Variants in INSL6 observed in about 807,000 individuals in gnomAD.
The protein encoded by INSL6 is insulin-like peptide INSL6.
In INSL6, 16 loss-of-function variants were observed where a neutral mutation model predicts 9.4. The ratio of observed to expected loss-of-function variants is 1.70; its 90% CI spans 1.15 to 2.59. The LOEUF is 2.59. Among genes scored for constraint, INSL6 ranks in the 30% most tolerant of loss-of-function variants. The probability of loss-of-function intolerance (pLI) is 0.00; values close to 1 mark genes in which losing one functional copy is unlikely to be tolerated. For synonymous variants in INSL6, 154 were observed against 96.9 expected (o/e 1.59, Z -3.46); for missense variants, 391 against 257.3 (o/e 1.52, Z -3.56).
At chr9:5,051,578 T>C in the INSL6 span, among the ~76,000 whole-genome samples, 2 of 152,184 alleles carry the variant, frequency 1.3e-5, no homozygotes, top group Non-Finnish European at 2.9e-5. Context: ...ATTCTTCAAA[T>C]TATTCTTCTG....
chr9:5,170,921 G>C (rs1038480160), intron 1 of INSL6, among the ~76,000 whole-genome samples: 4 of 152,146 alleles, frequency 2.6e-5, no homozygotes, highest in African/African-American at 9.7e-5. Flanking sequence ...ACAAAGAGGA[G>C]CTGATATTCT....
At chr9:5,018,204 GGTTT>G in the INSL6 span, among the ~76,000 whole-genome samples, 2 of 152,044 alleles carry the variant, frequency 1.3e-5, no homozygotes, top group Non-Finnish European at 2.9e-5. Flanking sequence ...TTAGCATTGT[GGTTT>G]GTTGGTTTTC....
At chr9:5,077,505 A>G in the INSL6 span, 3 of 1,437,602 alleles carry the variant, frequency 2.1e-6, no homozygotes, top group Non-Finnish European at 2.8e-6. Flanking sequence ...CATATCTGAA[A>G]AAGAATAAAA....
chr9:5,137,353 C>T (rs1211956421), intron 2 of INSL6, among the ~76,000 whole-genome samples: 3 of 152,164 alleles, frequency 2.0e-5, no homozygotes, highest in Admixed American at 6.5e-5. Context: ...AGGCATCACA[C>T]TACCTGACTT....
At chr9:5,085,561 G>C in the INSL6 span, 2 of 692,966 alleles carry the variant, frequency 2.9e-6, no homozygotes, top group South Asian at 1.6e-5. Context: ...AGATATAACA[G>C]CTGTATTTCC....
chr9:5,010,439 G>A, the INSL6 span, among the ~76,000 whole-genome samples: 1 of 151,844 alleles, frequency 6.6e-6, no homozygotes, highest in Non-Finnish European at 1.5e-5. Context: ...TCCTGCCTCA[G>A]CCTCCCGTGT....
the INSL6 span, among the ~76,000 whole-genome samples, chr9:5,105,796 A>G: frequency 6.6e-6 from 1 of 152,220 alleles, no homozygotes; most frequent in Non-Finnish European, 1.5e-5. Flanking sequence ...AAACCTGACA[A>G]AAACAAGAAA....
At chr9:5,080,714 C>T in the INSL6 span, 159 of 1,457,624 alleles carry the variant, frequency 1.1e-4, no homozygotes, top group Non-Finnish European at 1.3e-4. Context: ...ATTGATTTTC[C>T]AGCTTTCTAT....
At chr9:5,178,236 C>A (rs1461628260) in intron 1 of INSL6, among the ~76,000 whole-genome samples, 3 of 152,192 alleles carry the variant, frequency 2.0e-5, no homozygotes, top group Non-Finnish European at 2.9e-5. Context: ...CTTGTAGGGG[C>A]TTCAGCCACT....
chr9:5,019,285 C>A, the INSL6 span, among the ~76,000 whole-genome samples: 15 of 152,040 alleles, frequency 9.9e-5, no homozygotes, highest in Admixed American at 2.0e-4. Context: ...TTTCAGAAGA[C>A]CTGTCTTCAA....
chr9:5,178,537 C>A (rs1241394350), intron 1 of INSL6, among the ~76,000 whole-genome samples: 2 of 152,182 alleles, frequency 1.3e-5, no homozygotes, highest in Admixed American at 1.3e-4. Context: ...CACTCTGGAA[C>A]AAAGTTCCTG....
the INSL6 span, chr9:5,111,047 G>A: frequency 1.0e-5 from 10 of 984,878 alleles, no homozygotes; most frequent in Non-Finnish European, 1.5e-5. Context: ...GCGCAATTCA[G>A]AGGTTCAGGT....
intron 1 of INSL6, among the ~76,000 whole-genome samples, chr9:5,178,552 G>A (rs1404624647): frequency 1.3e-5 from 2 of 152,222 alleles, no homozygotes; most frequent in Admixed American, 6.5e-5. Flanking sequence ...TTCCTGTGGG[G>A]AGGGGCAGCC....
intron 2 of INSL6, among the ~76,000 whole-genome samples, chr9:5,140,459 T>C (rs1250993557): frequency 6.6e-6 from 1 of 152,178 alleles, no homozygotes; most frequent in African/African-American, 2.4e-5. Flanking sequence ...AGTCTCTTCT[T>C]TTACACTCCC....
At chr9:5,153,265 G>T (rs139251263) in intron 2 of INSL6, among the ~76,000 whole-genome samples, 3 of 152,152 alleles carry the variant, frequency 2.0e-5, no homozygotes, top group African/African-American at 7.2e-5. Flanking sequence ...CCACCCCCAC[G>T]GAGCCCAACA....
At chr9:5,124,678 C>T (rs1253217215) in intron 3 of INSL6, among the ~76,000 whole-genome samples, 1 of 151,754 alleles carries the variant, frequency 6.6e-6, no homozygotes, top group Admixed American at 6.6e-5. Context: ...CTACAGTAAC[C>T]AAAGCAGCAT....
At chr9:5,092,307 C>G in the INSL6 span, among the ~76,000 whole-genome samples, 10 of 152,040 alleles carry the variant, frequency 6.6e-5, no homozygotes, top group African/African-American at 9.7e-5. Flanking sequence ...TGTCACCCTC[C>G]GCAAATATCA....
the INSL6 span, chr9:5,097,346 A>G: frequency 6.6e-6 from 1 of 152,154 alleles, no homozygotes; most frequent in Non-Finnish European, 1.5e-5. Flanking sequence ...CCTATCTTAT[A>G]TCAACATTTA....
At chr9:5,034,651 C>G in the INSL6 span, among the ~76,000 whole-genome samples, 2 of 151,830 alleles carry the variant, frequency 1.3e-5, no homozygotes, top group African/African-American at 4.9e-5. Flanking sequence ...GGGTACATAA[C>G]GAAATGACGG....
Sources: gnomAD v4.1 joint callset for allele counts (sites outside exome capture counted in the v4.1 genomes callset) on GRCh38, gnomAD v4.1.1 for gene constraint, MANE v1.5 for transcripts, NCBI Gene and HGNC (gene_info 2026-07-23, HGNC 2026-07-21) for gene names.